Variants in KIRREL3 observed in about 807,000 individuals in gnomAD.
The protein encoded by KIRREL3 is kin of IRRE-like protein 3.
A neutral mutation model predicts 89.7 loss-of-function variants in KIRREL3; 36 were observed. That is an observed-to-expected ratio of 0.40 (90% confidence interval 0.31 to 0.53). The LOEUF (loss-of-function observed/expected upper bound fraction) is 0.53, where lower values mean the gene tolerates loss of function less well. KIRREL3 is among the 20% of genes least tolerant of loss of function. The pLI is 0.49. For synonymous variants in KIRREL3, 445 were observed against 441.4 expected, an observed-to-expected ratio of 1.01 and a Z score of -0.10; for missense variants, 864 against 1,056.6, an observed-to-expected ratio of 0.82 and a Z score of 2.53.
At chr11:126,789,900 T>C (rs1950587319) in intron 1 of KIRREL3, among the ~76,000 whole-genome samples, 1 of 152,222 alleles carries the variant, frequency 6.6e-6, no homozygotes, top group Non-Finnish European at 1.5e-5. Context: ...TGAAAAAATA[T>C]AGCTGACAAT....
rs931031089 is a variant in KIRREL3 at position 126,561,177 on chromosome 11, C to G, written c.133+1658G>C. ...CCAGAGCCCTCCCTCTCCTTCACCT[C>G]TGCCTTCCAGCTCTCCAGAGCCAAA... is the stretch of plus-strand genomic sequence containing the variant. On this transcript the variant is annotated intron_variant, in intron 2 of 16. Transcript: ENST00000525144. This position sits in a 1 kb window ranked among gnomAD's most constrained non-coding sequence, Gnocchi z 4.5. Among the ~76,000 whole-genome samples the G allele has an allele frequency of 2.6e-5, 4 of 152,176 alleles. No individual in the cohort carries two copies. Among genetic ancestry groups the G allele is most frequent in the African/African-American group, 9.7e-5 (4 of 41,446 alleles).
chr11:126,911,973 A>G (rs1334965333), intron 1 of KIRREL3, among the ~76,000 whole-genome samples: 2 of 100,242 alleles, frequency 2.0e-5, no homozygotes, highest in South Asian at 4.2e-4. Flanking sequence ...ACAGAGCGAG[A>G]CTCTGTCTCA....
rs1456953566 is a variant in KIRREL3 at position 126,471,988 on chromosome 11, G to C, written c.591+1321C>G. On this transcript the variant is annotated intron_variant, in intron 5 of 16. Coordinates refer to ENST00000525144, the MANE Select transcript of KIRREL3 (RefSeq NM_032531.4). This position sits in a 1 kb window ranked among gnomAD's most constrained non-coding sequence, Gnocchi z 5.4. ...GTAAGGGATCATGGGCTGGATTTCA[G>C]CCCTCCCTGGCCCCTGAGCCAGGCA... is the stretch of plus-strand genomic sequence containing the variant. 6.6e-6 allele frequency among the ~76,000 whole-genome samples: 1 copy of C among 151,968 alleles called. No individual in the cohort carries two copies. Among genetic ancestry groups the C allele is most frequent in the Non-Finnish European group, 1.5e-5 (1 of 67,986 alleles).
At chr11:126,467,719 A>G (rs1956772322) in intron 5 of KIRREL3, among the ~76,000 whole-genome samples, 1 of 151,960 alleles carries the variant, frequency 6.6e-6, no homozygotes, top group Non-Finnish European at 1.5e-5. Flanking sequence ...CCTGGCTTGA[A>G]TAAGGGTGTG....
chr11:126,760,436 A>C (rs957322980), intron 1 of KIRREL3, among the ~76,000 whole-genome samples: 1 of 152,238 alleles, frequency 6.6e-6, no homozygotes, highest in African/African-American at 2.4e-5. Flanking sequence ...GAACATCAAC[A>C]AATACCCCAT....
At chr11:126,889,235 CT>C (rs1464127953) in intron 1 of KIRREL3, among the ~76,000 whole-genome samples, 1 of 151,708 alleles carries the variant, frequency 6.6e-6, no homozygotes, top group African/African-American at 2.4e-5. Flanking sequence ...TATTCTCCCC[CT>C]GCCCCTCAAG....
chr11:126,712,712 G>T (rs999229283), intron 1 of KIRREL3, among the ~76,000 whole-genome samples: 3 of 152,164 alleles, frequency 2.0e-5, no homozygotes, highest in Non-Finnish European at 2.9e-5. Context: ...GGCCCTCTGA[G>T]GTTGGCGACA....
rs919126982 is a variant in KIRREL3, at chr11:126,930,948, C to T, written c.55+69507G>A. Among the ~76,000 whole-genome samples, 4 of 152,202 alleles carry T rather than the reference C, an allele frequency of 2.6e-5. No homozygotes were observed. In the East Asian group the frequency reaches 7.7e-4, roughly 29 times the overall value. ...TCCTGAACGACCTGGATTTGCCAGG[C>T]TATGGCACAGTCATTTTTCTGCATG... is the stretch of plus-strand genomic sequence containing the variant. On this transcript the variant is annotated intron_variant, in intron 1 of 16. Transcript: ENST00000525144.
At position 126,763,274 on chromosome 11, in the gene KIRREL3, G is replaced by A. The variant is rs2134274563; in HGVS notation, c.56-200362C>T. Among the ~76,000 whole-genome samples, 1 of 152,298 alleles carries A rather than the reference G, an allele frequency of 6.6e-6. No homozygotes were observed. Among genetic ancestry groups the A allele is most frequent in the South Asian group, 2.1e-4 (1 of 4,820 alleles). ...TCCCAATGTCGGCGTTCTGTGATGT[G>A]ACAATTCCATGACCAGCCTCATGGC... On this transcript the variant is annotated intron_variant, in intron 1 of 16. Transcript: ENST00000525144. This position sits in a 1 kb window ranked among gnomAD's most constrained non-coding sequence, Gnocchi z 4.7.
chr11:126,872,427 C>T lies in KIRREL3; in HGVS notation c.55+128028G>A, dbSNP rs375585376. ...TGGGGTAGCCCTGCTCAGCAAGGAG[C>T]GGCTCCCCTGCTGCTGCTGTATGCT... On this transcript the variant is annotated intron_variant, in intron 1 of 16. Transcript: ENST00000525144. The surrounding 1 kb of genome is among the most constrained non-coding windows in gnomAD (Gnocchi z 4.2). Among the ~76,000 whole-genome samples the T allele has an allele frequency of 1.5e-3, 221 of 152,298 alleles. 4 individuals are homozygous for T. The South Asian group carries it at 0.04, about 27-fold the overall frequency.
chr11:126,982,928 CT>C (rs1382582256), intron 1 of KIRREL3, among the ~76,000 whole-genome samples: 2 of 152,158 alleles, frequency 1.3e-5, no homozygotes, highest in Admixed American at 1.3e-4. Context: ...AAGTAAATTG[CT>C]GTTAAGAATC....
rs1194456732 is a variant in KIRREL3 at position 126,687,043 on chromosome 11, A to G, written c.56-124131T>C. 1.3e-5 allele frequency among the ~76,000 whole-genome samples: 2 copies of G among 152,198 alleles called. No homozygotes were observed. Among genetic ancestry groups the G allele is most frequent in the Non-Finnish European group, 2.9e-5 (2 of 68,030 alleles). On this transcript the variant is annotated intron_variant, in intron 1 of 16. Transcript: ENST00000525144. The surrounding 1 kb of genome is among the most constrained non-coding windows in gnomAD (Gnocchi z 4.6). Reference sequence around the variant, plus strand: ...GGCAGGACAATGAGGATGACAGGCCAGAGGTGAGGTTGCAAGTGTGGTTGG... The same window carrying G: ...GGCAGGACAATGAGGATGACAGGCCGGAGGTGAGGTTGCAAGTGTGGTTGG...
chr11:126,483,886 A>T (rs1957283845), intron 4 of KIRREL3, among the ~76,000 whole-genome samples: 1 of 152,012 alleles, frequency 6.6e-6, no homozygotes, highest in Non-Finnish European at 1.5e-5. Context: ...ATTCTTTAAG[A>T]CTCAGGCTAT....
rs181127861 is a variant in KIRREL3 at position 126,525,349 on chromosome 11, C to T, written c.283+1189G>A. ...GGAGTTTCTCTAGGGTAAAGGCGTT[C>T]GGAGTCTCTGAAATTGGCTGGTTCC... On this transcript the variant is annotated intron_variant, in intron 3 of 16. Transcript: ENST00000525144. This position sits in a 1 kb window ranked among gnomAD's most constrained non-coding sequence, Gnocchi z 5.4. 1.2e-3 allele frequency among the ~76,000 whole-genome samples: 176 copies of T among 152,250 alleles called. 1 individual carries two copies. Among genetic ancestry groups the T allele is most frequent in the African/African-American group, 4.0e-3 (166 of 41,546 alleles).
chr11:126,888,054 C>T (rs1041604455), intron 1 of KIRREL3, among the ~76,000 whole-genome samples: 2 of 152,186 alleles, frequency 1.3e-5, no homozygotes, highest in African/African-American at 4.8e-5. Context: ...GCTATACACC[C>T]ACAGTATCAA....
chr11:126,465,780 A>G (rs1956702340), intron 5 of KIRREL3, among the ~76,000 whole-genome samples: 1 of 152,138 alleles, frequency 6.6e-6, no homozygotes, highest in Non-Finnish European at 1.5e-5. Flanking sequence ...GTTGAACCCC[A>G]AGCCAAAGCC....
chr11:126,806,283 A>G (rs191168358), intron 1 of KIRREL3, among the ~76,000 whole-genome samples: 1 of 152,336 alleles, frequency 6.6e-6, no homozygotes, highest in Non-Finnish European at 1.5e-5. Flanking sequence ...AGTGAGGCTA[A>G]TAAAAAGGAC....
At position 126,791,345 on chromosome 11, in the gene KIRREL3, G is replaced by A. The variant is rs1040885214; in HGVS notation, c.55+209110C>T. ...TCATAATAGGACATTCCAATTCATC[G>A]TCCCTGGCCTGGGCTGCATGCAGCC... On this transcript the variant is annotated intron_variant, in intron 1 of 16. Transcript: ENST00000525144. This position sits in a 1 kb window ranked among gnomAD's most constrained non-coding sequence, Gnocchi z 4.8. Among the ~76,000 whole-genome samples, 10 of 152,150 alleles carry A rather than the reference G, an allele frequency of 6.6e-5. No homozygotes were observed. The highest frequency in any genetic ancestry group is 2.2e-4 in the African/African-American group (9 of 41,432).
intron 1 of KIRREL3, chr11:126,934,786 C>T (rs1784347): frequency 0.43 from 65,060 of 151,858 alleles, 14,446 homozygotes; most frequent in Middle Eastern, 0.68. Context: ...GACGGCCAGG[C>T]GCGGAGACTC....
Sources: allele counts gnomAD v4.1 joint callset (sites outside exome capture counted in the v4.1 genomes callset), GRCh38; gene constraint gnomAD v4.1.1; non-coding constraint Gnocchi (gnomAD v3.1); transcripts MANE v1.5; gene names NCBI Gene and HGNC (gene_info 2026-07-23, HGNC 2026-07-21).